KCNMA1: variants seen among roughly 807,000 people sequenced by gnomAD.
KCNMA1 encodes the protein Calcium-activated potassium channel subunit alpha-1.
Under a neutral mutation model 140.0 loss-of-function variants are expected in KCNMA1, and 29 were observed. The observed-to-expected ratio is 0.21, with a 90% CI of 0.15 to 0.28. KCNMA1 has a LOEUF of 0.28. KCNMA1 is among the 10% of genes least tolerant of loss of function. KCNMA1 has a pLI of 1.00. For synonymous variants in KCNMA1, 612 were observed against 611.9 expected, an observed-to-expected ratio of 1.00 and a Z score of 0.00; for missense variants, 880 against 1,602.2, an observed-to-expected ratio of 0.55 and a Z score of 7.70.
intron 19 of KCNMA1, among the ~76,000 whole-genome samples, chr10:76,972,556 G>A (rs2076372454): frequency 6.6e-6 from 1 of 152,204 alleles, no homozygotes; most frequent in Non-Finnish European, 1.5e-5. Flanking sequence ...CTGTTAGCCA[G>A]CTCAAGGGAG....
At chr10:76,928,595 T>C (rs1041085382) in intron 23 of KCNMA1, among the ~76,000 whole-genome samples, 18 of 152,192 alleles carry the variant, frequency 1.2e-4, no homozygotes, top group African/African-American at 4.1e-4. Flanking sequence ...ATATTCCGAC[T>C]ACTGTAAAAT....
At chr10:77,109,130 A>G (rs1210333157) in intron 8 of KCNMA1, among the ~76,000 whole-genome samples, 2 of 151,792 alleles carry the variant, frequency 1.3e-5, no homozygotes, top group Non-Finnish European at 2.9e-5. Flanking sequence ...GATAGCAAGG[A>G]GAAACACAAA....
Position 77,153,177 on chromosome 10 carries a change from T to C in KCNMA1, c.808+30244A>G, listed in dbSNP as rs16934318. On this transcript the variant is annotated intron_variant, in intron 5 of 27. Transcript: ENST00000286628. ...CCAAACTTACTGGAGCACAGAGTTC[T>C]CTTTCCAAATAATGTATGCCAACTT... 8.5e-3 allele frequency among the ~76,000 whole-genome samples: 1,294 copies of C among 152,310 alleles called. 22 individuals carry two copies. The highest frequency in any genetic ancestry group is 0.03 in the African/African-American group (1,239 of 41,566).
intron 18 of KCNMA1, among the ~76,000 whole-genome samples, chr10:77,010,049 C>T (rs1237896471): frequency 7.2e-5 from 11 of 152,240 alleles, no homozygotes; most frequent in Middle Eastern, 3.4e-3. Context: ...AATATGTGAA[C>T]GGCTAATCAA....
intron 2 of KCNMA1, among the ~76,000 whole-genome samples, chr10:77,317,308 C>T (rs975906454): frequency 3.3e-5 from 5 of 152,264 alleles, no homozygotes; most frequent in Middle Eastern, 3.4e-3. Context: ...TTGCTGAAAC[C>T]CTATTGCACT....
intron 19 of KCNMA1, chr10:76,970,440 G>A (rs569597947): frequency 2.0e-3 from 461 of 227,166 alleles, no homozygotes; most frequent in Non-Finnish European, 3.4e-3. Flanking sequence ...AATAGACTGC[G>A]TTTTGTTGTA....
intron 1 of KCNMA1, among the ~76,000 whole-genome samples, chr10:77,627,529 C>T (rs1185924364): frequency 3.9e-5 from 6 of 152,042 alleles, no homozygotes; most frequent in East Asian, 1.9e-4. Flanking sequence ...CTCAGGAGGA[C>T]GAAGAACCCA....
intron 2 of KCNMA1, among the ~76,000 whole-genome samples, chr10:77,342,821 G>A (rs947206845): frequency 6.6e-6 from 1 of 152,172 alleles, no homozygotes; most frequent in Non-Finnish European, 1.5e-5. Flanking sequence ...AGTTCTCCAT[G>A]CCTGGAGGAG....
At chr10:77,512,542 AG>A (rs2048766802) in intron 1 of KCNMA1, among the ~76,000 whole-genome samples, 1 of 152,228 alleles carries the variant, frequency 6.6e-6, no homozygotes, top group Non-Finnish European at 1.5e-5. Context: ...ATCCATCTGC[AG>A]TTCCAGGCAT....
intron 2 of KCNMA1, among the ~76,000 whole-genome samples, chr10:77,328,303 C>T (rs1282813615): frequency 6.6e-6 from 1 of 152,202 alleles, no homozygotes; most frequent in Non-Finnish European, 1.5e-5. Context: ...TAAATCTTGG[C>T]ACCAACCACA....
chr10:77,367,568 A>C (rs1044130458), intron 2 of KCNMA1, among the ~76,000 whole-genome samples: 9 of 152,314 alleles, frequency 5.9e-5, no homozygotes, highest in East Asian at 1.9e-4. Flanking sequence ...CTAAATTACT[A>C]TACAGTAAAT....
chr10:77,119,834 G>A (rs73291929), intron 6 of KCNMA1, among the ~76,000 whole-genome samples: 16 of 152,228 alleles, frequency 1.1e-4, no homozygotes, highest in African/African-American at 3.9e-4. Context: ...AATAGAAAGT[G>A]AATTTGACCT....
chr10:77,056,177 C>G (rs540018823), intron 14 of KCNMA1, among the ~76,000 whole-genome samples: 1 of 152,222 alleles, frequency 6.6e-6, no homozygotes, highest in African/African-American at 2.4e-5. Context: ...GCCAAGAGTT[C>G]AAGACCAGCC....
chr10:77,097,492 C>G lies in KCNMA1; in HGVS notation c.1224-6982G>C, dbSNP rs192694536. Among the ~76,000 whole-genome samples, 35 of 152,246 alleles carry G rather than the reference C, an allele frequency of 2.3e-4. No homozygotes were observed. The East Asian group carries it at 6.4e-3, about 28-fold the overall frequency. Reference sequence around the variant, plus strand: ...TGACAAAGTATGCATCTTGGAGACTCTATCCCATGGTAAGTGCAGAAAAAA... The same window carrying G: ...TGACAAAGTATGCATCTTGGAGACTGTATCCCATGGTAAGTGCAGAAAAAA... On this transcript the variant is annotated intron_variant, in intron 9 of 27. Coordinates refer to ENST00000286628, the MANE Select transcript of KCNMA1 (RefSeq NM_001161352.2).
At chr10:77,098,548 T>C (rs926906375) in intron 9 of KCNMA1, among the ~76,000 whole-genome samples, 8 of 151,736 alleles carry the variant, frequency 5.3e-5, no homozygotes, top group East Asian at 1.9e-4. Flanking sequence ...CAGTTTTTCA[T>C]TGGAATCTCT....
At chr10:77,408,750 G>C (rs1015746802) in intron 1 of KCNMA1, among the ~76,000 whole-genome samples, 2 of 152,196 alleles carry the variant, frequency 1.3e-5, no homozygotes, top group Non-Finnish European at 2.9e-5. Context: ...AGAAAGAGGA[G>C]GTCCTGCAGG....
intron 23 of KCNMA1, among the ~76,000 whole-genome samples, chr10:76,927,490 G>A (rs1416122144): frequency 2.0e-5 from 3 of 152,072 alleles, no homozygotes; most frequent in African/African-American, 7.2e-5. Context: ...CGGGCATTGT[G>A]GGCTTTAAAA....
At chr10:77,270,073 G>T (rs1188895248) in intron 2 of KCNMA1, among the ~76,000 whole-genome samples, 1 of 152,090 alleles carries the variant, frequency 6.6e-6, no homozygotes, top group East Asian at 1.9e-4. Flanking sequence ...CCTGCTTTTG[G>T]GCACCTCTGG....
intron 25 of KCNMA1, among the ~76,000 whole-genome samples, chr10:76,899,289 A>G (rs568068005): frequency 1.3e-5 from 2 of 152,230 alleles, no homozygotes; most frequent in African/African-American, 4.8e-5. Context: ...ATTATGCTAA[A>G]TTTCCCCTGG....
Sources: allele counts gnomAD v4.1 joint callset (sites outside exome capture counted in the v4.1 genomes callset), GRCh38; gene constraint gnomAD v4.1.1; transcripts MANE v1.5; gene names NCBI Gene and HGNC (gene_info 2026-07-23, HGNC 2026-07-21).